Variants in ZW10 observed in about 807,000 individuals in gnomAD.
ZW10 encodes centromere/kinetochore protein zw10 homolog.
In ZW10, 53 loss-of-function variants were observed where a neutral mutation model predicts 87.8. The ratio of observed to expected loss-of-function variants is 0.60; its 90% CI spans 0.48 to 0.76. The LOEUF is 0.76. ZW10 is among the 30% of genes least tolerant of loss of function. The pLI, the probability that ZW10 is intolerant of heterozygous loss-of-function variation, is 0.00. For synonymous variants in ZW10, 312 were observed against 329.2 expected (o/e 0.95, Z 0.57); for missense variants, 837 against 923.0 (o/e 0.91, Z 1.21).
At chr11:113,736,131 C>T (rs1953550952) in intron 15 of ZW10, among the ~76,000 whole-genome samples, 1 of 151,776 alleles carries the variant, frequency 6.6e-6, no homozygotes, top group South Asian at 2.1e-4. Flanking sequence ...ATAAATTAGC[C>T]AGGTGTGGTG....
At chr11:113,746,512 AAAAC>A (rs1385026285) in intron 9 of ZW10, among the ~76,000 whole-genome samples, 3,524 of 148,084 alleles carry the variant, frequency 0.024, 138 homozygotes, top group East Asian at 0.24. Context: ...AAAAAAAAAA[AAAAC>A]AACAACAAAA....
chr11:113,755,566 ACAAAGGATTTAGAACAGT>A (rs1254990902), intron 7 of ZW10, among the ~76,000 whole-genome samples: 3 of 152,236 alleles, frequency 2.0e-5, no homozygotes, highest in Admixed American at 6.5e-5. Context: ...TTATATGACA[ACAAAGGATTTAGAACAGT>A]CCATAAATTT....
chr11:113,738,300 T>C lies in ZW10; in HGVS notation c.1848A>G (p.Glu616=), dbSNP rs1953575237. 1 of 1,613,210 alleles carries C rather than the reference T, an allele frequency of 6.2e-7. No homozygotes were observed. The highest frequency in any genetic ancestry group is 2.2e-5 in the East Asian group (1 of 44,838). Residue 616 remains glutamate (E), a synonymous_variant, in exon 13 of 16, where the codon GAA becomes GAG. Transcript: ENST00000200135. ...SARNFSNMDD[E]ENYSAASKAV... ...CTTTACTTGCTGCAGAATAATTCTCTTCATCGTCCATATTTGAAAAGTTCC... is the reference window on the plus strand; with the variant it reads ...CTTTACTTGCTGCAGAATAATTCTCCTCATCGTCCATATTTGAAAAGTTCC...
chr11:113,741,192 C>A (rs928884481), intron 11 of ZW10, among the ~76,000 whole-genome samples: 2 of 151,672 alleles, frequency 1.3e-5, no homozygotes, highest in Admixed American at 1.3e-4. Flanking sequence ...GTTGCTCAAA[C>A]TAATCTCAAA....
Position 113,773,462 on chromosome 11 carries a change from C to T in ZW10, c.105+100G>A, listed in dbSNP as rs1469986382. ...CCCAACAGGCCCCACTCTGCTGGTC[C>T]CCACTCTGTCTGCCCTTAGCCCCTG... On this transcript the variant is annotated intron_variant, in intron 1 of 15. Transcript: ENST00000200135. 54 of 978,382 alleles carry T rather than the reference C, an allele frequency of 5.5e-5. 1 individual carries two copies. The Middle Eastern group carries it at 6.4e-4, about 12-fold the overall frequency. 60.6% of individuals were successfully genotyped at this position (978,382 alleles called of 1,614,324 possible).
chr11:113,738,150 G>T, intron 13 of ZW10, 114 bp downstream of exon 13: 1 of 1,181,586 alleles, frequency 8.5e-7, no homozygotes, highest in Non-Finnish European at 1.1e-6. Flanking sequence ...AGGTGGGGGT[G>T]CAGGGAATCA....
At chr11:113,760,122 C>A in intron 5 of ZW10, 87 bp downstream of exon 5, 1 of 1,449,178 alleles carries the variant, frequency 6.9e-7, no homozygotes, top group South Asian at 1.4e-5. Context: ...GAACCCTCAT[C>A]TACTAATACA....
At chr11:113,772,987 T>C (rs1372000086) in intron 1 of ZW10, among the ~76,000 whole-genome samples, 1 of 150,380 alleles carries the variant, frequency 6.6e-6, no homozygotes, top group East Asian at 2.0e-4. Context: ...AAAAGATAGA[T>C]AGATACATAA....
rs762665202 is a variant in ZW10, at chr11:113,743,823, G to A, written c.1490C>T (p.Ala497Val). The stretch of plus-strand genomic sequence containing the variant: ...GTACCATTGATCACTACTGGTTGTT[G>A]CCTCTAGTAAAGTCTGATAGGCGAG... The part of the protein sequence containing the change: ...MELAYQTLLE[A>V]TTSSDQCAVQ... The change falls in exon 10 of 16, where the codon GCA becomes GTA. Residue 497 changes from alanine (A) to valine (V), a missense_variant. Transcript: ENST00000200135. The A allele has an allele frequency of 6.2e-7, 1 of 1,613,918 alleles. No individual in the cohort carries two copies. The highest frequency in any genetic ancestry group is 8.5e-7 in the Non-Finnish European group (1 of 1,179,822).
At chr11:113,744,159 G>A (rs1329369426) in intron 9 of ZW10, 119 bp from the exon 10 acceptor site, 4 of 747,238 alleles carry the variant, frequency 5.4e-6, no homozygotes, top group African/African-American at 3.5e-5. Context: ...AGGCCGAGGC[G>A]GGCAGATCAC....
rs1414457476 is a variant in ZW10 at position 113,757,814 on chromosome 11, G to GATA, written c.772_773insTAT (p.Ala257_Ser258insLeu). 3 of 1,612,432 alleles carry GATA rather than the reference G, an allele frequency of 1.9e-6. No homozygotes were observed. The highest frequency in any genetic ancestry group is 2.5e-6 in the Non-Finnish European group (3 of 1,179,140). On this transcript the variant is annotated inframe_insertion, in exon 7 of 16. Transcript: ENST00000200135. ...TATCACAGCATGAAGGGATGGGCAAGATGCCAGCGGCCTAAGGATATACTT... is the reference window on the plus strand; with the variant it reads ...TATCACAGCATGAAGGGATGGGCAAGATAATGCCAGCGGCCTAAGGATATACTT...
chr11:113,735,339 C>T (rs1035530364), intron 15 of ZW10, among the ~76,000 whole-genome samples: 1 of 151,886 alleles, frequency 6.6e-6, no homozygotes, highest in South Asian at 2.1e-4. Flanking sequence ...CCTCTGGAGC[C>T]TATTACTTAA....
chr11:113,766,645 G>C (rs2134897301), intron 2 of ZW10, among the ~76,000 whole-genome samples: 1 of 121,934 alleles, frequency 8.2e-6, no homozygotes, highest in African/African-American at 3.2e-5. Context: ...TTGTACTTCA[G>C]CCTGGGTGAC....
At chr11:113,745,566 AATG>A (rs1425375371) in intron 9 of ZW10, among the ~76,000 whole-genome samples, 1 of 152,208 alleles carries the variant, frequency 6.6e-6, no homozygotes, top group Non-Finnish European at 1.5e-5. Context: ...CTAAGATTAG[AATG>A]ATGATGAAAA....
Position 113,738,376 on chromosome 11 carries a change from G to C in ZW10, c.1772C>G (p.Ala591Gly). ...TTCACCTTTCTGTGCCCGCATTTGG[G>C]CCAAAAAGCATTCTGTCCCTATGAT... is the stretch of plus-strand genomic sequence containing the variant. Reference protein sequence around the residue: ...FRRLGTECFLAQMRAQKGELL... With the variant: ...FRRLGTECFLGQMRAQKGELL... The change falls in exon 13 of 16, where the codon GCC becomes GGC. Residue 591 changes from alanine to glycine, a missense_variant. Coordinates refer to ENST00000200135, the MANE Select transcript of ZW10 (RefSeq NM_004724.4). The C allele has an allele frequency of 1.2e-6, 2 of 1,611,416 alleles. No homozygotes were observed. Among genetic ancestry groups the C allele is most frequent in the South Asian group, 2.2e-5 (2 of 90,498 alleles).
At position 113,738,253 on chromosome 11, in the gene ZW10, G is replaced by C; in HGVS notation, c.1884+11C>G. 6.3e-7 allele frequency: 1 copy of C among 1,588,070 alleles called. No individual in the cohort carries two copies. Among genetic ancestry groups the C allele is most frequent in the Non-Finnish European group, 8.5e-7 (1 of 1,171,400 alleles). ...AGAATACAAATTTCAGTGCTAGCAA[G>C]AGCCTCCTACCTGCCGGACTGCTTT... On this transcript the variant is annotated intron_variant, in intron 13 of 15. Transcript: ENST00000200135.
At chr11:113,750,969 T>C (rs1953727638) in intron 7 of ZW10, 1 of 151,916 alleles carries the variant, frequency 6.6e-6, no homozygotes, top group East Asian at 1.9e-4. Context: ...ACAATATCTT[T>C]CTAACAATAT....
At chr11:113,744,223 T>C (rs1307080384) in intron 9 of ZW10, among the ~76,000 whole-genome samples, 183 bp from the exon 10 acceptor site, 1 of 152,178 alleles carries the variant, frequency 6.6e-6, no homozygotes, top group East Asian at 1.9e-4. Context: ...CCGTCTCTAC[T>C]AAAAATACAA....
Position 113,773,662 on chromosome 11 carries a change from G to A in ZW10, c.5C>T (p.Ala2Val). ...TGCCAAAACTTCTGTCACGAACGAG[G>A]CCATGGCCAAGACGGGAACCAACGC... M[A>V]SFVTEVLAHS... is the part of the protein sequence containing the mutation. Residue 2 changes from alanine (A) to valine (V), a missense_variant, in exon 1 of 16, where the codon GCC becomes GTC. Physicochemically the swap from Ala to Val is moderately conservative, Grantham distance 64. Coordinates refer to ENST00000200135, the MANE Select transcript of ZW10 (RefSeq NM_004724.4). 1 of 1,612,874 alleles carries A rather than the reference G, an allele frequency of 6.2e-7. No homozygotes were observed. The highest frequency in any genetic ancestry group is 8.5e-7 in the Non-Finnish European group (1 of 1,179,420).
Sources: gnomAD v4.1 joint callset for allele counts (sites outside exome capture counted in the v4.1 genomes callset) on GRCh38, gnomAD v4.1.1 for gene constraint, MANE v1.5 for transcripts, NCBI Gene and HGNC (gene_info 2026-07-23, HGNC 2026-07-21) for gene names.